The following CNTNAP2 variants were observed in gnomAD, a reference collection of about 807,000 sequenced individuals.
CNTNAP2 encodes the protein contactin-associated protein-like 2.
A neutral mutation model predicts 155.2 loss-of-function variants in CNTNAP2; 98 were observed. That is an observed-to-expected ratio of 0.63 (90% CI 0.54 to 0.75). The LOEUF (loss-of-function observed/expected upper bound fraction) is 0.75, where lower values mean the gene tolerates loss of function less well. Ranked by LOEUF, CNTNAP2 falls within the 30% of genes least tolerant of loss-of-function variation. The pLI, the probability that CNTNAP2 is intolerant of heterozygous loss-of-function variation, is 0.00. For synonymous variants in CNTNAP2, 651 were observed against 631.2 expected, an observed-to-expected ratio of 1.03 and a Z score of -0.47; for missense variants, 1,727 against 1,688.1, an observed-to-expected ratio of 1.02 and a Z score of -0.40.
Position 147,033,160 on chromosome 7 carries a change from GTATATATATATATATATATATATATATA to G in CNTNAP2, c.403-10731_403-10704del, listed in dbSNP as rs3081742. The stretch of plus-strand genomic sequence containing the variant: ...AGGATATTGCTGCATATATATATAT[GTATATATATATATATATATATATATATA>G]TATATATATATATATGGAATATGTT... On this transcript the variant is annotated intron_variant, in intron 3 of 23. Coordinates refer to ENST00000361727, the MANE Select transcript of CNTNAP2 (RefSeq NM_014141.6). 2.4e-3 allele frequency among the ~76,000 whole-genome samples: 218 copies of G among 90,844 alleles called. 4 individuals are homozygous for G. The highest frequency in any genetic ancestry group is 7.8e-3 in the South Asian group (23 of 2,930). 59.6% of individuals were successfully genotyped at this position (90,844 alleles called of 152,430 possible).
At chr7:147,280,052 T>C (rs1241526636) in intron 8 of CNTNAP2, among the ~76,000 whole-genome samples, 1 of 151,936 alleles carries the variant, frequency 6.6e-6, no homozygotes, top group African/African-American at 2.4e-5. Flanking sequence ...TTTTGTATAG[T>C]ACAAATGATG....
Position 146,431,262 on chromosome 7 carries a change from A to G in CNTNAP2, c.97+314289A>G, listed in dbSNP as rs556394817. 4.3e-4 allele frequency among the ~76,000 whole-genome samples: 66 copies of G among 152,186 alleles called. 1 individual carries two copies. The highest frequency in any genetic ancestry group is 1.3e-3 in the African/African-American group (52 of 41,578). On this transcript the variant is annotated intron_variant, in intron 1 of 23. Transcript: ENST00000361727. ...TATTATGCTCATTTAGTAGCAATAA[A>G]TGCCTTCTAATATCTTTGAAAATTT...
intron 8 of CNTNAP2, among the ~76,000 whole-genome samples, chr7:147,265,870 T>G (rs1804596224): frequency 1.3e-5 from 2 of 152,072 alleles, no homozygotes. Flanking sequence ...AGGTGAATAG[T>G]CTGAAGTGAA....
At chr7:146,986,051 A>T (rs1215353480) in intron 3 of CNTNAP2, among the ~76,000 whole-genome samples, 1 of 152,162 alleles carries the variant, frequency 6.6e-6, no homozygotes, top group Non-Finnish European at 1.5e-5. Flanking sequence ...GTATTTGGTT[A>T]CATGAGTAAC....
intron 1 of CNTNAP2, among the ~76,000 whole-genome samples, chr7:146,450,117 A>G (rs1479084913): frequency 1.3e-5 from 2 of 152,210 alleles, no homozygotes; most frequent in African/African-American, 4.8e-5. Flanking sequence ...TTCTTTTCCA[A>G]GGAGATAAAA....
chr7:146,813,866 GTTC>G (rs1404627304), intron 2 of CNTNAP2, among the ~76,000 whole-genome samples: 1 of 152,092 alleles, frequency 6.6e-6, no homozygotes. Flanking sequence ...GCACACTGCT[GTTC>G]TTATGGTAGT....
intron 13 of CNTNAP2, among the ~76,000 whole-genome samples, chr7:147,706,547 G>T (rs79836690): frequency 6.6e-6 from 1 of 152,094 alleles, no homozygotes; most frequent in South Asian, 2.1e-4. Context: ...TTCTCTTGCT[G>T]GTTTTAGAAT....
In CNTNAP2 at chr7:146,547,851, T is replaced by TTA. The variant is rs535796324; in HGVS notation, c.98-226419_98-226418insAT. 5.3e-3 allele frequency among the ~76,000 whole-genome samples: 798 copies of TTA among 151,764 alleles called. 8 individuals carry two copies. In the Middle Eastern group the frequency reaches 0.058, roughly 11 times the overall value. On this transcript the variant is annotated intron_variant, in intron 1 of 23. Coordinates refer to ENST00000361727, the MANE Select transcript of CNTNAP2 (RefSeq NM_014141.6). ...GTGGAATTACTTTATCATGGTTTTT[T>TTA]TTTTTTAAAGGAACCTTAATACGGT...
At chr7:147,299,060 G>T (rs748629211) in intron 8 of CNTNAP2, among the ~76,000 whole-genome samples, 1 of 152,038 alleles carries the variant, frequency 6.6e-6, no homozygotes, top group Non-Finnish European at 1.5e-5. Flanking sequence ...ACTGAAGCAC[G>T]TCCTCATGTA....
Position 147,300,137 on chromosome 7 carries a change from C to T in CNTNAP2, c.1349-4C>T. On this transcript the variant is annotated splice_polypyrimidine_tract_variant and splice_region_variant and intron_variant, in intron 8 of 23. Transcript: ENST00000361727. ...AAAAATGACTTTTATCTTGTACTTA[C>T]CAGGTTCTGGGTTGAATGATGGACA... is the stretch of plus-strand genomic sequence containing the variant. 6.2e-7 allele frequency: 1 copy of T among 1,613,870 alleles called. No homozygotes were observed. The highest frequency in any genetic ancestry group is 1.1e-5 in the South Asian group (1 of 91,082).
At chr7:147,732,827 G>C (rs971494014) in intron 13 of CNTNAP2, among the ~76,000 whole-genome samples, 10 of 152,172 alleles carry the variant, frequency 6.6e-5, no homozygotes, top group African/African-American at 2.4e-4. Context: ...CTGCATAAAT[G>C]TCTTCTTTTG....
intron 3 of CNTNAP2, among the ~76,000 whole-genome samples, chr7:146,898,656 T>G (rs1016961753): frequency 2.0e-5 from 3 of 152,066 alleles, no homozygotes; most frequent in Non-Finnish European, 2.9e-5. Flanking sequence ...TATGTTAACT[T>G]TTGTCTTTGT....
chr7:147,582,773 T>C (rs1277270996), intron 12 of CNTNAP2, among the ~76,000 whole-genome samples: 1 of 152,216 alleles, frequency 6.6e-6, no homozygotes, highest in Admixed American at 6.5e-5. Flanking sequence ...TTATTCTTTC[T>C]GAACTAACCA....
chr7:147,515,932 A>G (rs1799118601), intron 11 of CNTNAP2, among the ~76,000 whole-genome samples: 1 of 152,194 alleles, frequency 6.6e-6, no homozygotes. Context: ...TTACATTAAG[A>G]TAGTTATGGT....
intron 1 of CNTNAP2, among the ~76,000 whole-genome samples, chr7:146,213,292 T>C (rs1401001363): frequency 6.6e-6 from 1 of 152,194 alleles, no homozygotes; most frequent in African/African-American, 2.4e-5. Context: ...TAGCCATAAA[T>C]CTCAGTGCAC....
At chr7:147,819,595 T>G (rs973440736) in intron 13 of CNTNAP2, among the ~76,000 whole-genome samples, 15 of 152,318 alleles carry the variant, frequency 9.8e-5, no homozygotes, top group Middle Eastern at 3.4e-3. Flanking sequence ...GCACACAGTT[T>G]GGTAAATTTT....
intron 13 of CNTNAP2, among the ~76,000 whole-genome samples, chr7:147,859,616 GC>G (rs1799103815): frequency 6.6e-6 from 1 of 151,524 alleles, no homozygotes; most frequent in Non-Finnish European, 1.5e-5. Context: ...ATATTATCTT[GC>G]TATCACTCTT....
At chr7:148,129,531 T>C (rs1005139096) in intron 16 of CNTNAP2, among the ~76,000 whole-genome samples, 1 of 152,134 alleles carries the variant, frequency 6.6e-6, no homozygotes, top group African/African-American at 2.4e-5. Context: ...CATTAAGATA[T>C]GCACATTTTA....
chr7:146,515,219 A>G (rs1797523621), intron 1 of CNTNAP2, among the ~76,000 whole-genome samples: 1 of 151,850 alleles, frequency 6.6e-6, no homozygotes, highest in Non-Finnish European at 1.5e-5. Flanking sequence ...TTTTCCTCCT[A>G]CAGGCTTTCA....
Sources: gnomAD v4.1 joint callset for allele counts (sites outside exome capture counted in the v4.1 genomes callset) on GRCh38, gnomAD v4.1.1 for gene constraint, MANE v1.5 for transcripts, NCBI Gene and HGNC (gene_info 2026-07-23, HGNC 2026-07-21) for gene names.